VIPR2: variants seen among roughly 807,000 people sequenced by gnomAD.
VIPR2 encodes the protein vasoactive intestinal polypeptide receptor 2.
Under a neutral mutation model 58.0 loss-of-function variants are expected in VIPR2, and 48 were observed. The ratio of observed to expected loss-of-function variants is 0.83; its 90% CI spans 0.66 to 1.05. The LOEUF (loss-of-function observed/expected upper bound fraction) is 1.05. VIPR2 is among the 50% of genes least tolerant of loss of function. VIPR2 has a pLI of 0.00. For missense variants in VIPR2, 534 were observed against 558.0 expected, an observed-to-expected ratio of 0.96 and a Z score of 0.43; for synonymous variants, 243 against 235.2, an observed-to-expected ratio of 1.03 and a Z score of -0.30.
intron 2 of VIPR2, among the ~76,000 whole-genome samples, chr7:159,129,897 G>A (rs1323356293): frequency 7.2e-5 from 6 of 83,804 alleles, no homozygotes; most frequent in East Asian, 3.0e-4. Context: ...CTGGCCTCTG[G>A]GGGGGACAGG....
At chr7:159,057,756 C>T (rs1293443695) in intron 5 of VIPR2, among the ~76,000 whole-genome samples, 1 of 152,088 alleles carries the variant, frequency 6.6e-6, no homozygotes, top group African/African-American at 2.4e-5. Context: ...CGTTCTGGGA[C>T]CAAAACCTCT....
chr7:159,121,821 A>G (rs1343851436), intron 2 of VIPR2, among the ~76,000 whole-genome samples: 1 of 152,204 alleles, frequency 6.6e-6, no homozygotes, highest in Non-Finnish European at 1.5e-5. Flanking sequence ...TTGGACTTTT[A>G]TCCTGTCCTT....
rs547032113 is a variant in VIPR2 at position 159,097,750 on chromosome 7, G to A, written c.357+6007C>T. Among the ~76,000 whole-genome samples the A allele has an allele frequency of 2.2e-4, 33 of 152,360 alleles. 1 individual carries two copies. Among genetic ancestry groups the A allele is most frequent in the African/African-American group, 7.7e-4 (32 of 41,594 alleles). On this transcript the variant is annotated intron_variant, in intron 4 of 12. Coordinates refer to ENST00000262178, the MANE Select transcript of VIPR2 (RefSeq NM_003382.5). The surrounding 1 kb of genome is among the most constrained non-coding windows in gnomAD (Gnocchi z 5.3). Reference sequence around the variant, plus strand: ...AGAAGCTGAGCAGCAATTGTAGCCAGTTGGGACACACAGACCAAGATTTCT... The same window carrying A: ...AGAAGCTGAGCAGCAATTGTAGCCAATTGGGACACACAGACCAAGATTTCT...
chr7:159,049,216 C>T (rs1854834678), intron 5 of VIPR2, among the ~76,000 whole-genome samples: 2 of 152,250 alleles, frequency 1.3e-5, no homozygotes, highest in African/African-American at 2.4e-5. Flanking sequence ...TTGTTTACAA[C>T]TCTCTTAGAA....
At chr7:159,063,446 C>G (rs184494531) in intron 4 of VIPR2, among the ~76,000 whole-genome samples, 2,988 of 152,064 alleles carry the variant, frequency 0.02, 106 homozygotes, top group African/African-American at 0.066. Context: ...CGGGGCCTAC[C>G]GAGCCCACGA....
At chr7:159,144,699 CG>C (rs1230957415) in intron 1 of VIPR2, 21 bp downstream of exon 1, 1 of 1,327,058 alleles carries the variant, frequency 7.5e-7, no homozygotes. Context: ...CGCCGTGGGG[CG>C]GGGGTCGCGG....
At position 159,142,551 on chromosome 7, in the gene VIPR2, C is replaced by T. The variant is rs1797517020; in HGVS notation, c.52-6G>A. 1 of 1,601,592 alleles carries T rather than the reference C, an allele frequency of 6.2e-7. No homozygotes were observed. The highest frequency in any genetic ancestry group is 8.5e-7 in the Non-Finnish European group (1 of 1,172,316). On this transcript the variant is annotated splice_region_variant and splice_polypyrimidine_tract_variant and intron_variant, in intron 1 of 12. Transcript: ENST00000262178. ...TCTGGGTGAATGCTGTTCACCTGTT[C>T]ACGGTTAAAAGAAATATTAATAACT...
At chr7:159,062,729 C>T (rs2540345) in intron 4 of VIPR2, among the ~76,000 whole-genome samples, 121,955 of 152,086 alleles carry the variant, frequency 0.8, 49,087 homozygotes, top group African/African-American at 0.86. Flanking sequence ...TGCCACAGCA[C>T]ATAAGGAGAC....
chr7:159,084,958 A>G (rs1857096337), intron 4 of VIPR2, among the ~76,000 whole-genome samples: 1 of 152,202 alleles, frequency 6.6e-6, no homozygotes. Flanking sequence ...GGCCCATGGA[A>G]GCTTCTTCTA....
chr7:159,036,059 C>G (rs373116728), intron 7 of VIPR2, 47 bp from the exon 8 acceptor site: 2 of 1,585,258 alleles, frequency 1.3e-6, no homozygotes, highest in African/African-American at 1.3e-5. Context: ...GCGGTGTGCA[C>G]GCACACAGGT....
chr7:159,043,778 C>T (rs1854483652), intron 5 of VIPR2, among the ~76,000 whole-genome samples: 1 of 152,156 alleles, frequency 6.6e-6, no homozygotes, highest in African/African-American at 2.4e-5. Context: ...GGGCAAAAGA[C>T]TAAGATTCCG....
intron 4 of VIPR2, among the ~76,000 whole-genome samples, chr7:159,067,857 G>A (rs1856176118): frequency 1.3e-5 from 2 of 152,224 alleles, no homozygotes; most frequent in South Asian, 2.1e-4. Flanking sequence ...CTATCACTTG[G>A]GCTTGCCTAA....
intron 4 of VIPR2, among the ~76,000 whole-genome samples, chr7:159,064,659 G>T (rs1855980425): frequency 6.6e-6 from 1 of 152,164 alleles, no homozygotes; most frequent in South Asian, 2.1e-4. Flanking sequence ...GCTCTCTCGA[G>T]GCCGAGCAGT....
intron 2 of VIPR2, among the ~76,000 whole-genome samples, chr7:159,133,905 G>C (rs1462456272): frequency 6.6e-6 from 1 of 152,168 alleles, no homozygotes; most frequent in African/African-American, 2.4e-5. Context: ...CTACCTAGCT[G>C]AGCTAGTCAA....
intron 6 of VIPR2, among the ~76,000 whole-genome samples, chr7:159,038,659 G>T (rs1189471094): frequency 2.0e-5 from 3 of 152,194 alleles, no homozygotes; most frequent in Middle Eastern, 3.4e-3. Context: ...TTGTCTCTCG[G>T]TAAAAGACCG....
chr7:159,068,829 T>C (rs73730135), intron 4 of VIPR2, among the ~76,000 whole-genome samples: 4,646 of 152,310 alleles, frequency 0.031, 112 homozygotes, highest in African/African-American at 0.059. Context: ...GTGGAATGGC[T>C]GCTCTTCACC....
chr7:159,141,308 C>T (rs78519681), intron 2 of VIPR2, among the ~76,000 whole-genome samples: 2 of 152,252 alleles, frequency 1.3e-5, no homozygotes, highest in African/African-American at 2.4e-5. Flanking sequence ...CAGAACCATG[C>T]GTGCACCGCG....
At chr7:159,065,390 C>G (rs1856024436) in intron 4 of VIPR2, among the ~76,000 whole-genome samples, 1 of 152,196 alleles carries the variant, frequency 6.6e-6, no homozygotes, top group African/African-American at 2.4e-5. Context: ...TACGTCAAGC[C>G]CTGGTGTCTC....
At chr7:159,070,936 C>T (rs190897787) in intron 4 of VIPR2, among the ~76,000 whole-genome samples, 3 of 152,298 alleles carry the variant, frequency 2.0e-5, no homozygotes, top group Admixed American at 6.5e-5. Context: ...ACCTCAGCAG[C>T]GTGGCCCAGC....
Sources: allele counts gnomAD v4.1 joint callset (sites outside exome capture counted in the v4.1 genomes callset), GRCh38; gene constraint gnomAD v4.1.1; non-coding constraint Gnocchi (gnomAD v3.1); transcripts MANE v1.5; gene names NCBI Gene and HGNC (gene_info 2026-07-23, HGNC 2026-07-21).